The following PRG3 variants were observed in gnomAD, a reference collection of about 807,000 sequenced individuals.
PRG3 encodes proteoglycan 3.
PRG3 carries 25 observed loss-of-function variants against 26.1 expected under a neutral mutation model. That is an observed-to-expected ratio of 0.96 (90% confidence interval 0.70 to 1.34). PRG3 has a LOEUF of 1.34. PRG3 is among the 40% of genes most tolerant of loss of function. PRG3 has a pLI of 0.00. For synonymous variants in PRG3, 111 were observed against 100.4 expected (o/e 1.11, Z -0.63); for missense variants, 280 against 264.8 (o/e 1.06, Z -0.40).
chr11:57,377,434 A>C (rs1856955171), intron 5 of PRG3, among the ~76,000 whole-genome samples: 1 of 151,748 alleles, frequency 6.6e-6, no homozygotes, highest in Admixed American at 6.6e-5. Context: ...CACTTCCGCT[A>C]CTCTCATTGG....
In PRG3 at chr11:57,376,848, G is replaced by A. The variant is rs1386751608; in HGVS notation, c.*2C>T. 3 of 1,612,486 alleles carry A rather than the reference G, an allele frequency of 1.9e-6. No homozygotes were observed. Among genetic ancestry groups the A allele is most frequent in the Admixed American group, 1.7e-5 (1 of 60,022 alleles). On this transcript the variant is annotated 3_prime_UTR_variant, in exon 6 of 6. Coordinates refer to ENST00000287143, the MANE Select transcript of PRG3 (RefSeq NM_006093.4). ...TGCTGGCAGGGTCTCCGTGCCGCTG[G>A]CTTAGAAGGAGCAGACGAAGGGCAG...
At chr11:57,376,980 C>T in intron 5 of PRG3, 72 bp from the exon 6 acceptor site, 6 of 1,540,316 alleles carry the variant, frequency 3.9e-6, no homozygotes, top group Non-Finnish European at 4.5e-6. Context: ...TTTCCCTCCT[C>T]AGGGGCCCCC....
intron 5 of PRG3, 40 bp from the exon 6 acceptor site, chr11:57,376,948 G>A (rs768369494): frequency 2.4e-5 from 39 of 1,607,840 alleles, no homozygotes; most frequent in Non-Finnish European, 3.2e-5. Flanking sequence ...CGCCCTGCGG[G>A]GTCTGGCCTG....
chr11:57,380,423 A>AC (rs112497264), intron 2 of PRG3, among the ~76,000 whole-genome samples: 9,177 of 150,654 alleles, frequency 0.061, 972 homozygotes, highest in African/African-American at 0.21. Flanking sequence ...AAACAAACAA[A>AC]AAAAAAAACA....
intron 3 of PRG3, 126 bp downstream of exon 3, chr11:57,379,368 A>G (rs1856975000): frequency 9.9e-7 from 1 of 1,009,384 alleles, no homozygotes; most frequent in Non-Finnish European, 1.4e-6. Context: ...TGTTTTAACA[A>G]CAACTCCAGG....
chr11:57,376,844 G>T lies in PRG3; in HGVS notation c.*6C>A, dbSNP rs772124152. The T allele has an allele frequency of 1.2e-6, 2 of 1,612,370 alleles. No homozygotes were observed. The highest frequency in any genetic ancestry group is 4.5e-5 in the East Asian group (2 of 44,804). ...GAGCTGCTGGCAGGGTCTCCGTGCC[G>T]CTGGCTTAGAAGGAGCAGACGAAGG... On this transcript the variant is annotated 3_prime_UTR_variant, in exon 6 of 6. Coordinates refer to ENST00000287143, the MANE Select transcript of PRG3 (RefSeq NM_006093.4).
At chr11:57,376,949 G>C in intron 5 of PRG3, 41 bp from the exon 6 acceptor site, 3 of 1,607,854 alleles carry the variant, frequency 1.9e-6, no homozygotes, top group Non-Finnish European at 2.5e-6. Context: ...GCCCTGCGGG[G>C]TCTGGCCTGG....
At chr11:57,377,029 G>C (rs1401446291) in intron 5 of PRG3, 121 bp from the exon 6 acceptor site, 2 of 979,442 alleles carry the variant, frequency 2.0e-6, no homozygotes, top group South Asian at 1.4e-5. Context: ...TGCCAGCTGT[G>C]TGCTTGCCCC....
rs188344066 is a variant in PRG3 at position 57,379,906 on chromosome 11, A to G, written c.62-99T>C. On this transcript the variant is annotated intron_variant, in intron 2 of 5. Coordinates refer to ENST00000287143, the MANE Select transcript of PRG3 (RefSeq NM_006093.4). ...TCGCTCGAGCTTTCCTAGGAATTCC[A>G]CCTGAAGACAAGACTGGAGGATTTC... The G allele has an allele frequency of 1.2e-3, 1,356 of 1,114,474 alleles. 3 individuals carry two copies. Among genetic ancestry groups the G allele is most frequent in the Middle Eastern group, 3.3e-3 (16 of 4,798 alleles). 69.0% of individuals were successfully genotyped at this position (1,114,474 alleles called of 1,614,324 possible). A position where few individuals can be genotyped will look rare whatever the true frequency, so the allele number is the denominator to read the frequency against.
chr11:57,379,816 A>G lies in PRG3; in HGVS notation c.62-9T>C. On this transcript the variant is annotated splice_polypyrimidine_tract_variant and intron_variant, in intron 2 of 5. Transcript: ENST00000287143. ...ATGGGGGGCATCATTCTCTGGGAAG[A>G]AGAGGTAACCTGCCATCAGGTCAAG... is the stretch of plus-strand genomic sequence containing the variant. The G allele has an allele frequency of 1.3e-6, 2 of 1,598,170 alleles. No homozygotes were observed. The highest frequency in any genetic ancestry group is 1.7e-6 in the Non-Finnish European group (2 of 1,171,574).
At chr11:57,378,536 GAGCCAGTACA>G (rs1175741413) in intron 4 of PRG3, 135 bp downstream of exon 4, 1 of 1,081,800 alleles carries the variant, frequency 9.2e-7, no homozygotes, top group Non-Finnish European at 1.3e-6. Context: ...CAGTTCTCCT[GAGCCAGTACA>G]AGCCATCTCC....
chr11:57,376,881 T>C lies in PRG3; in HGVS notation c.647A>G (p.Asp216Gly), dbSNP rs577143930. 5.0e-6 allele frequency: 8 copies of C among 1,612,484 alleles called. No individual in the cohort carries two copies. The East Asian group carries it at 1.6e-4, about 31-fold the overall frequency. ...KGGYWRRAQC[D>G]KQLPFVCSF is the part of the protein sequence containing the mutation. ...GGAGCAGACGAAGGGCAGTTGCTTG[T>C]CGCATTGAGCTCGTCGCCAATAACC... The change falls in exon 6 of 6, where the codon GAC becomes GGC. Residue 216 changes from aspartate to glycine, a missense_variant. Coordinates refer to ENST00000287143, the MANE Select transcript of PRG3 (RefSeq NM_006093.4).
At chr11:57,379,840 A>G in intron 2 of PRG3, 33 bp from the exon 3 acceptor site, 2 of 1,560,898 alleles carry the variant, frequency 1.3e-6, no homozygotes, top group Non-Finnish European at 8.7e-7. Context: ...CATCAGGTCA[A>G]GAGCTTCCTA....
At chr11:57,380,592 G>A in intron 2 of PRG3, 56 bp downstream of exon 2, 1 of 1,437,238 alleles carries the variant, frequency 7.0e-7, no homozygotes, top group Non-Finnish European at 9.4e-7. Flanking sequence ...GGGGAGGGGA[G>A]TGTAGGAAAA....
intron 1 of PRG3, 58 bp from the exon 2 acceptor site, chr11:57,380,839 A>T: frequency 1.6e-6 from 1 of 640,664 alleles, no homozygotes; most frequent in Non-Finnish European, 2.5e-6. Flanking sequence ...AGCAAACAAG[A>T]TTGCTTTCTC....
intron 5 of PRG3, 103 bp from the exon 6 acceptor site, chr11:57,377,011 T>G: frequency 8.6e-7 from 1 of 1,163,994 alleles, no homozygotes; most frequent in Non-Finnish European, 1.3e-6. Context: ...TCTATGGCCA[T>G]CGTCATCTGC....
At chr11:57,380,258 G>A in intron 2 of PRG3, among the ~76,000 whole-genome samples, 1 of 152,112 alleles carries the variant, frequency 6.6e-6, no homozygotes, top group African/African-American at 2.4e-5. Flanking sequence ...AGATTAGCCA[G>A]GCGTGGTGGC....
At chr11:57,379,205 C>T (rs1856973682) in intron 3 of PRG3, among the ~76,000 whole-genome samples, 1 of 152,220 alleles carries the variant, frequency 6.6e-6, no homozygotes, top group Admixed American at 6.5e-5. Flanking sequence ...TTAACACAGG[C>T]GTTTCTAACA....
rs1856990135 is a variant in PRG3, at chr11:57,380,586, A to AG, written c.61+61dup. On this transcript the variant is annotated intron_variant, in intron 2 of 5. Coordinates refer to ENST00000287143, the MANE Select transcript of PRG3 (RefSeq NM_006093.4). ...CATGAGTGCAAATAAAAGCGGGGGG[A>AG]GGGGAGTGTAGGAAAAAGGAAAAAA... 13 of 1,397,336 alleles carry AG rather than the reference A, an allele frequency of 9.3e-6. No homozygotes were observed. In the South Asian group the frequency reaches 1.1e-4, roughly 12 times the overall value. The allele number at this position is 1,397,336 out of a possible 1,614,324, so 86.6% of individuals were successfully genotyped here. A position where few individuals can be genotyped will look rare whatever the true frequency, so the allele number is the denominator to read the frequency against.
Sources: allele counts gnomAD v4.1 joint callset (sites outside exome capture counted in the v4.1 genomes callset), GRCh38; gene constraint gnomAD v4.1.1; transcripts MANE v1.5; gene names NCBI Gene and HGNC (gene_info 2026-07-23, HGNC 2026-07-21).